The following PAPOLA variants were observed in gnomAD, a reference collection of about 807,000 sequenced individuals.
PAPOLA encodes the protein poly(A) polymerase alpha, also known as polynucleotide adenylyltransferase alpha.
PAPOLA carries 15 observed loss-of-function variants against 100.6 expected under a neutral mutation model. That is an observed-to-expected ratio of 0.15 (90% CI 0.10 to 0.23). The LOEUF is 0.23. PAPOLA is among the 10% of genes least tolerant of loss of function. The pLI is 1.00. For synonymous variants in PAPOLA, 293 were observed against 300.0 expected (o/e 0.98, Z 0.24); for missense variants, 533 against 884.2 (o/e 0.60, Z 5.04).
At chr14:96,548,598 A>T (rs1900579631) in intron 16 of PAPOLA, among the ~76,000 whole-genome samples, 2 of 152,220 alleles carry the variant, frequency 1.3e-5, no homozygotes, top group Admixed American at 1.3e-4. Flanking sequence ...TGCAGCAGTG[A>T]AAATAAATGA....
intron 15 of PAPOLA, among the ~76,000 whole-genome samples, chr14:96,546,972 T>G (rs1335604502): frequency 6.6e-6 from 1 of 152,164 alleles, no homozygotes; most frequent in Non-Finnish European, 1.5e-5. Flanking sequence ...CATTTAAATC[T>G]TCAGTCAGAT....
At chr14:96,509,677 C>CTG (rs1896973262) in intron 1 of PAPOLA, among the ~76,000 whole-genome samples, 1 of 152,160 alleles carries the variant, frequency 6.6e-6, no homozygotes. Context: ...GGCTATAAAC[C>CTG]TGTGGCAGCA....
At chr14:96,555,442 A>G (rs1285632805) in intron 17 of PAPOLA, among the ~76,000 whole-genome samples, 57 of 152,080 alleles carry the variant, frequency 3.7e-4, no homozygotes, top group Admixed American at 3.7e-3. Flanking sequence ...AGCCAAAATT[A>G]GCTAAGAATA....
intron 12 of PAPOLA, chr14:96,541,880 T>A (rs1467460976): frequency 6.2e-6 from 1 of 162,556 alleles, no homozygotes. Context: ...GGTGTTTTGA[T>A]TCTATTGAAA....
At chr14:96,518,448 C>T (rs1595507485) in intron 1 of PAPOLA, among the ~76,000 whole-genome samples, 1 of 151,548 alleles carries the variant, frequency 6.6e-6, no homozygotes, top group Admixed American at 6.6e-5. Flanking sequence ...TCGCTCTGTC[C>T]CCCAGGCTGG....
intron 19 of PAPOLA, 41 bp from the exon 20 acceptor site, chr14:96,560,608 T>A (rs942699889): frequency 7.4e-7 from 1 of 1,347,020 alleles, no homozygotes; most frequent in Non-Finnish European, 1.1e-6. Context: ...ATAATCTAAA[T>A]TTTTCATTTT....
At chr14:96,520,412 G>A (rs533406844) in intron 2 of PAPOLA, among the ~76,000 whole-genome samples, 184 bp downstream of exon 2, 13 of 152,076 alleles carry the variant, frequency 8.5e-5, no homozygotes, top group Non-Finnish European at 1.8e-4. Context: ...AGTCTTGCTC[G>A]TTACCCAGGC....
rs1897918477 is a variant in PAPOLA at position 96,521,027 on chromosome 14, A to G, written c.204A>G (p.Leu68=). ...ACAGGATTTTAATTTTGGGAAAACTAAATAACCTGGTAAAAGAGTGGATAC... is the reference window on the plus strand; with the variant it reads ...ACAGGATTTTAATTTTGGGAAAACTGAATAACCTGGTAAAAGAGTGGATAC... ...LQRRILILGK[L]NNLVKEWIRE... Residue 68 remains leucine (L), a synonymous_variant, in exon 3 of 22, where the codon CTA becomes CTG. Coordinates refer to ENST00000216277, the MANE Select transcript of PAPOLA (RefSeq NM_032632.5). The G allele has an allele frequency of 1.3e-6, 2 of 1,540,040 alleles. No individual in the cohort carries two copies. The highest frequency in any genetic ancestry group is 9.0e-7 in the Non-Finnish European group (1 of 1,113,150).
rs185348535 is a variant in PAPOLA at position 96,565,343 on chromosome 14, T to A, written c.*293T>A. 405 of 324,178 alleles carry A rather than the reference T, an allele frequency of 1.2e-3. 2 individuals carry two copies. The highest frequency in any genetic ancestry group is 7.8e-3 in the African/African-American group (376 of 47,978). 20.1% of individuals were successfully genotyped at this position (324,178 alleles called of 1,614,324 possible). A position where few individuals can be genotyped will look rare whatever the true frequency, so the allele number is the denominator to read the frequency against. On this transcript the variant is annotated 3_prime_UTR_variant, in exon 22 of 22. Transcript: ENST00000216277. ...TTGTATTCATAATTGACATCTGGAT[T>A]GGGTTTATGTTTGATGCATTGTTTG...
intron 6 of PAPOLA, among the ~76,000 whole-genome samples, chr14:96,528,594 A>AACTT (rs1181736793): frequency 6.6e-6 from 1 of 152,226 alleles, no homozygotes; most frequent in East Asian, 1.9e-4. Flanking sequence ...ACATTTTGGA[A>AACTT]ACTGTAAGAG....
chr14:96,532,246 T>C, intron 7 of PAPOLA, 85 bp from the exon 8 acceptor site: 1 of 1,463,656 alleles, frequency 6.8e-7, no homozygotes, highest in African/African-American at 1.4e-5. Context: ...ATTAAACTTT[T>C]GATGATTTAA....
intron 1 of PAPOLA, among the ~76,000 whole-genome samples, chr14:96,505,404 T>C (rs768079383): frequency 2.0e-5 from 3 of 152,210 alleles, no homozygotes; most frequent in Non-Finnish European, 4.4e-5. Context: ...TCTGCCCTAC[T>C]CTGTGTTGGT....
rs573557719 is a variant in PAPOLA at position 96,515,746 on chromosome 14, C to T, written c.9-4309C>T. On this transcript the variant is annotated intron_variant, in intron 1 of 21. Transcript: ENST00000216277. ...ACCAGGAAGACATTTTAAGGAATCA[C>T]AAATACTGCAGCTATATGTCTGGTT... Among the ~76,000 whole-genome samples the T allele has an allele frequency of 5.3e-5, 8 of 152,314 alleles. No individual in the cohort carries two copies. The South Asian group carries it at 1.7e-3, about 32-fold the overall frequency.
chr14:96,560,203 T>C (rs2140336685), intron 19 of PAPOLA, among the ~76,000 whole-genome samples: 1 of 152,298 alleles, frequency 6.6e-6, no homozygotes, highest in East Asian at 1.9e-4. Flanking sequence ...GCAAGGATTC[T>C]CTGGTTAAGC....
At chr14:96,510,316 CTCTT>C (rs1466082229) in intron 1 of PAPOLA, among the ~76,000 whole-genome samples, 2 of 152,080 alleles carry the variant, frequency 1.3e-5, no homozygotes. Context: ...CATTTTCACA[CTCTT>C]TCGTACTTTT....
At chr14:96,522,920 A>G (rs1258158624) in intron 3 of PAPOLA, among the ~76,000 whole-genome samples, 10 of 152,194 alleles carry the variant, frequency 6.6e-5, no homozygotes, top group Non-Finnish European at 1.2e-4. Flanking sequence ...AAGAGAACCA[A>G]GGGTAAAGGA....
At chr14:96,538,519 T>C (rs1032703756) in intron 12 of PAPOLA, among the ~76,000 whole-genome samples, 1 of 152,036 alleles carries the variant, frequency 6.6e-6, no homozygotes, top group African/African-American at 2.4e-5. Context: ...ATATTACTAA[T>C]CTTCACTGAA....
At position 96,565,783 on chromosome 14, in the gene PAPOLA, G is replaced by T; in HGVS notation, c.*733G>T. 2.5e-6 allele frequency: 1 copy of T among 398,268 alleles called. No individual in the cohort carries two copies. Among genetic ancestry groups the T allele is most frequent in the Non-Finnish European group, 4.4e-6 (1 of 225,762 alleles). The allele number at this position is 398,268 out of a possible 1,614,324, so 24.7% of individuals were successfully genotyped here. On this transcript the variant is annotated 3_prime_UTR_variant, in exon 22 of 22. Transcript: ENST00000216277. The stretch of plus-strand genomic sequence containing the variant: ...CCAGCAAATATTTTTCTTTGAGCTT[G>T]TGAAAGCTCTGTGTTCTTTTGCCTT...
rs1896359396 is a variant in PAPOLA at position 96,502,580 on chromosome 14, G to A, written c.-13G>A. Reference sequence around the variant, plus strand: ...GGGGGGGAAGTGACTGGGCGGTGCCGGCGCCGGAGACGATGCCGTTGTAAG... The same window carrying A: ...GGGGGGGAAGTGACTGGGCGGTGCCAGCGCCGGAGACGATGCCGTTGTAAG... On this transcript the variant is annotated 5_prime_UTR_variant, in exon 1 of 22. Coordinates refer to ENST00000216277, the MANE Select transcript of PAPOLA (RefSeq NM_032632.5). 1.3e-6 allele frequency: 2 copies of A among 1,561,254 alleles called. No homozygotes were observed. The highest frequency in any genetic ancestry group is 1.7e-6 in the Non-Finnish European group (2 of 1,153,334).
Sources: allele counts gnomAD v4.1 joint callset (sites outside exome capture counted in the v4.1 genomes callset), GRCh38; gene constraint gnomAD v4.1.1; transcripts MANE v1.5; gene names NCBI Gene and HGNC (gene_info 2026-07-23, HGNC 2026-07-21).